CHN1: variants seen among roughly 807,000 people sequenced by gnomAD.
CHN1 encodes the protein chimerin 1.
In CHN1, 37 loss-of-function variants were observed where a neutral mutation model predicts 59.5. The ratio of observed to expected loss-of-function variants is 0.62; its 90% CI spans 0.48 to 0.82. The LOEUF is 0.82. CHN1 is among the 40% of genes least tolerant of loss of function. The pLI, the probability that CHN1 is intolerant of heterozygous loss-of-function variation, is 0.00. For synonymous variants in CHN1, 206 were observed against 200.4 expected (o/e 1.03, Z -0.24); for missense variants, 469 against 571.0 (o/e 0.82, Z 1.82).
chr2:174,891,232 T>A (rs1392814266), intron 5 of CHN1, among the ~76,000 whole-genome samples: 1 of 147,340 alleles, frequency 6.8e-6, no homozygotes, highest in Non-Finnish European at 1.5e-5. Flanking sequence ...GGAAAAACTA[T>A]GGGTCAAAGA....
chr2:174,948,611 A>G (rs1010669724), intron 2 of CHN1, among the ~76,000 whole-genome samples: 10 of 152,218 alleles, frequency 6.6e-5, no homozygotes, highest in African/African-American at 2.2e-4. Context: ...TTCTAGAATC[A>G]AATTGTGAAA....
intron 5 of CHN1, among the ~76,000 whole-genome samples, chr2:174,889,214 G>C (rs955246870): frequency 4.6e-5 from 7 of 152,070 alleles, no homozygotes; most frequent in Non-Finnish European, 8.8e-5. Flanking sequence ...CTCTACACAG[G>C]TTAATTCATA....
chr2:174,881,166 T>C (rs1013866488), intron 5 of CHN1, among the ~76,000 whole-genome samples: 5 of 152,150 alleles, frequency 3.3e-5, no homozygotes, highest in Admixed American at 3.3e-4. Context: ...GTGAATCCAG[T>C]ATCTCCCTCA....
intron 5 of CHN1, among the ~76,000 whole-genome samples, chr2:174,886,950 C>T (rs1455708407): frequency 6.6e-6 from 1 of 152,186 alleles, no homozygotes; most frequent in East Asian, 1.9e-4. Flanking sequence ...CAGAACATTT[C>T]CAATACCTCC....
chr2:174,943,297 GC>G (rs1388419045), intron 3 of CHN1, among the ~76,000 whole-genome samples: 1 of 151,802 alleles, frequency 6.6e-6, no homozygotes, highest in Non-Finnish European at 1.5e-5. Context: ...TCCCATCTCA[GC>G]TCACTGCAAC....
chr2:174,919,318 G>C (rs537300932), intron 3 of CHN1, among the ~76,000 whole-genome samples: 127 of 152,272 alleles, frequency 8.3e-4, no homozygotes, highest in African/African-American at 3.0e-3. Flanking sequence ...GACTAGTGAG[G>C]TACTTATTAA....
At chr2:174,840,011 A>G (rs1686233649) in intron 7 of CHN1, among the ~76,000 whole-genome samples, 1 of 152,122 alleles carries the variant, frequency 6.6e-6, no homozygotes, top group Admixed American at 6.6e-5. Flanking sequence ...TTTACTCTGC[A>G]TACTCACTTC....
At chr2:174,932,354 G>A (rs1689375059) in intron 3 of CHN1, among the ~76,000 whole-genome samples, 1 of 152,170 alleles carries the variant, frequency 6.6e-6, no homozygotes, top group Admixed American at 6.5e-5. Context: ...AATGCAAGCA[G>A]GATTTAAGTT....
chr2:174,962,982 C>A (rs1019176571), intron 1 of CHN1, among the ~76,000 whole-genome samples: 2 of 152,054 alleles, frequency 1.3e-5, no homozygotes, highest in African/African-American at 4.8e-5. Context: ...TAAGTATATA[C>A]CCATAAAATC....
chr2:174,799,859 A>AC lies in CHN1; in HGVS notation c.*256_*257insG. 2 of 590,832 alleles carry AC rather than the reference A, an allele frequency of 3.4e-6. No individual in the cohort carries two copies. Among genetic ancestry groups the AC allele is most frequent in the Non-Finnish European group, 6.4e-6 (2 of 314,830 alleles). The allele number at this position is 590,832 out of a possible 1,614,324, so 36.6% of individuals were successfully genotyped here. A position where few individuals can be genotyped will look rare whatever the true frequency, so the allele number is the denominator to read the frequency against. ...TCTGTATGGGGTTTCCTTGCCAGATAGGGGGCTAATCATGCAATAGCTTGA... is the reference window on the plus strand; with the variant it reads ...TCTGTATGGGGTTTCCTTGCCAGATACGGGGGCTAATCATGCAATAGCTTGA... On this transcript the variant is annotated 3_prime_UTR_variant, in exon 13 of 13. Coordinates refer to ENST00000409900, the MANE Select transcript of CHN1 (RefSeq NM_001822.7).
At position 174,800,946 on chromosome 2, in the gene CHN1, G is replaced by A. The variant is rs549940525; in HGVS notation, c.1209-659C>T. Among the ~76,000 whole-genome samples the A allele has an allele frequency of 3.9e-5, 6 of 152,254 alleles. No individual in the cohort carries two copies. In the East Asian group the frequency reaches 1.2e-3, roughly 29 times the overall value. On this transcript the variant is annotated intron_variant, in intron 12 of 12. Transcript: ENST00000409900. ...TTTAACTCATGGTGCTCTTAAAGAG[G>A]AAAAATGTAAACATTCATGAGTGAC... is the stretch of plus-strand genomic sequence containing the variant.
intron 3 of CHN1, among the ~76,000 whole-genome samples, chr2:174,939,055 T>A (rs748859858): frequency 2.0e-5 from 3 of 152,178 alleles, no homozygotes; most frequent in African/African-American, 2.4e-5. Context: ...GGTTTTTCAA[T>A]GCTTTCATGC....
intron 3 of CHN1, among the ~76,000 whole-genome samples, chr2:174,928,436 TA>T (rs889649520): frequency 4.6e-5 from 7 of 152,146 alleles, no homozygotes; most frequent in African/African-American, 1.7e-4. Flanking sequence ...CATACAGATA[TA>T]AAAATAAACA....
chr2:174,979,116 T>C (rs1691049509), intron 1 of CHN1, among the ~76,000 whole-genome samples: 1 of 152,350 alleles, frequency 6.6e-6, no homozygotes, highest in South Asian at 2.1e-4. Flanking sequence ...GGGTTGTTAA[T>C]GGATACCAGA....
intron 1 of CHN1, among the ~76,000 whole-genome samples, chr2:174,991,792 G>A (rs1691554793): frequency 6.6e-6 from 1 of 152,150 alleles, no homozygotes; most frequent in East Asian, 1.9e-4. Flanking sequence ...AAATTGTTAA[G>A]CTACAGGAAT....
rs556560955 is a variant in CHN1 at position 174,986,037 on chromosome 2, A to C, written c.19+18857T>G. 2.0e-4 allele frequency among the ~76,000 whole-genome samples: 30 copies of C among 152,330 alleles called. No individual in the cohort carries two copies. The South Asian group carries it at 6.0e-3, about 30-fold the overall frequency. On this transcript the variant is annotated intron_variant, in intron 1 of 12. Coordinates refer to ENST00000409900, the MANE Select transcript of CHN1 (RefSeq NM_001822.7). ...TTAATTTTCCAGGGTCCAAACATCC[A>C]TAACTATAATAAACTGCAATTGTGG...
At chr2:174,894,878 G>A (rs371239161) in intron 5 of CHN1, among the ~76,000 whole-genome samples, 14 of 152,010 alleles carry the variant, frequency 9.2e-5, no homozygotes, top group African/African-American at 2.9e-4. Context: ...CTTACATTGC[G>A]TGCCATTCTG....
rs2605287 is a variant in CHN1 at position 174,863,241 on chromosome 2, T to G, written c.549+14599A>C. Among the ~76,000 whole-genome samples, 410 of 152,242 alleles carry G rather than the reference T, an allele frequency of 2.7e-3. 4 individuals are homozygous for G. The highest frequency in any genetic ancestry group is 9.4e-3 in the African/African-American group (389 of 41,558). ...GTGATCAATGCATGATGTTTCAAAA[T>G]CATGCACAGTTGAAAGATCCATTTG... On this transcript the variant is annotated intron_variant, in intron 6 of 12. Coordinates refer to ENST00000409900, the MANE Select transcript of CHN1 (RefSeq NM_001822.7).
intron 3 of CHN1, among the ~76,000 whole-genome samples, chr2:174,933,390 A>G (rs1447433428): frequency 6.6e-6 from 1 of 152,194 alleles, no homozygotes; most frequent in Non-Finnish European, 1.5e-5. Context: ...AGAAAAAATA[A>G]AAGAATGTAG....
Sources: allele counts gnomAD v4.1 joint callset (sites outside exome capture counted in the v4.1 genomes callset), GRCh38; gene constraint gnomAD v4.1.1; transcripts MANE v1.5; gene names NCBI Gene and HGNC (gene_info 2026-07-23, HGNC 2026-07-21).